Variants in PDE10A observed in about 807,000 individuals in gnomAD.
The protein encoded by PDE10A is cAMP and cAMP-inhibited cGMP 3',5'-cyclic phosphodiesterase 10A.
In PDE10A, 39 loss-of-function variants were observed where a neutral mutation model predicts 97.7. That is an observed-to-expected ratio of 0.40 (90% CI 0.31 to 0.52). PDE10A has a LOEUF of 0.52. PDE10A is among the 20% of genes least tolerant of loss of function. The pLI, the probability that PDE10A is intolerant of heterozygous loss-of-function variation, is 0.56. For missense variants in PDE10A, 731 were observed against 1,047.8 expected (o/e 0.70, Z 4.17); for synonymous variants, 371 against 376.8 (o/e 0.98, Z 0.18).
chr6:165,446,031 G>C (rs543893793), intron 5 of PDE10A, among the ~76,000 whole-genome samples: 1 of 152,172 alleles, frequency 6.6e-6, no homozygotes, highest in East Asian at 1.9e-4. Flanking sequence ...CATAGAAGAA[G>C]TATAGTTAAT....
intron 2 of PDE10A, among the ~76,000 whole-genome samples, chr6:165,523,352 C>T (rs1782244001): frequency 1.3e-5 from 2 of 152,138 alleles, no homozygotes; most frequent in South Asian, 4.1e-4. Flanking sequence ...AGGCATCACA[C>T]TATCCAATTT....
chr6:165,500,912 G>A (rs1009038263), intron 2 of PDE10A, among the ~76,000 whole-genome samples: 2 of 152,146 alleles, frequency 1.3e-5, no homozygotes, highest in Non-Finnish European at 2.9e-5. Context: ...ATGTTTGGAT[G>A]TTTGTGTACG....
chr6:165,600,754 T>G (rs1786898058), intron 1 of PDE10A, among the ~76,000 whole-genome samples: 1 of 152,214 alleles, frequency 6.6e-6, no homozygotes. Flanking sequence ...GACTGCTTTG[T>G]CAAGGACACA....
At chr6:165,800,566 G>A (rs1778955910) in intron 1 of PDE10A, among the ~76,000 whole-genome samples, 1 of 152,188 alleles carries the variant, frequency 6.6e-6, no homozygotes, top group African/African-American at 2.4e-5. Flanking sequence ...TGGTTACAGT[G>A]ATGATAGACC....
intron 2 of PDE10A, among the ~76,000 whole-genome samples, chr6:165,484,980 C>T (rs372632755): frequency 8.2e-4 from 125 of 152,240 alleles, no homozygotes; most frequent in African/African-American, 2.9e-3. Flanking sequence ...CATGAGAAAG[C>T]AGAAGACTCC....
At chr6:165,952,162 C>A (rs1218821825) in intron 1 of PDE10A, among the ~76,000 whole-genome samples, 1 of 152,244 alleles carries the variant, frequency 6.6e-6, no homozygotes, top group Non-Finnish European at 1.5e-5. Context: ...AGCATTCTGG[C>A]TCCGGAACGC....
chr6:165,840,711 T>C (rs1409018272), intron 1 of PDE10A, among the ~76,000 whole-genome samples: 5 of 152,238 alleles, frequency 3.3e-5, no homozygotes, highest in African/African-American at 2.4e-5. Flanking sequence ...TCTATTGATA[T>C]AGGAATTTTA....
chr6:165,699,468 A>G (rs1419740778), intron 1 of PDE10A, among the ~76,000 whole-genome samples: 1 of 152,140 alleles, frequency 6.6e-6, no homozygotes, highest in African/African-American at 2.4e-5. Context: ...GAAATAGAAG[A>G]CTTGGATAAC....
chr6:165,555,488 T>A (rs1784208897), intron 1 of PDE10A, among the ~76,000 whole-genome samples: 1 of 152,166 alleles, frequency 6.6e-6, no homozygotes, highest in Non-Finnish European at 1.5e-5. Context: ...TCTATCTTCA[T>A]CAAAACAGTA....
At chr6:165,894,745 A>C (rs935600719) in intron 1 of PDE10A, 18 of 329,498 alleles carry the variant, frequency 5.5e-5, no homozygotes, top group African/African-American at 3.9e-4. Context: ...ATATGTGTTC[A>C]TATTGTGTTA....
intron 10 of PDE10A, among the ~76,000 whole-genome samples, chr6:165,423,836 G>A (rs1316630828): frequency 2.0e-5 from 3 of 146,760 alleles, no homozygotes; most frequent in Admixed American, 6.9e-5. Context: ...CTGACAGAGC[G>A]AGACTATGTC....
At chr6:165,525,057 T>C (rs1782349592) in intron 2 of PDE10A, among the ~76,000 whole-genome samples, 1 of 151,924 alleles carries the variant, frequency 6.6e-6, no homozygotes, top group Admixed American at 6.6e-5. Context: ...CCAGGGAAAA[T>C]GATGTTGATT....
intron 2 of PDE10A, among the ~76,000 whole-genome samples, chr6:165,519,952 A>G (rs1782034807): frequency 6.6e-6 from 1 of 152,150 alleles, no homozygotes; most frequent in South Asian, 2.1e-4. Context: ...GAGGCTCTAC[A>G]GTTTTGAAAG....
chr6:165,370,146 G>A (rs951895751), intron 18 of PDE10A, among the ~76,000 whole-genome samples: 3 of 151,934 alleles, frequency 2.0e-5, no homozygotes, highest in Non-Finnish European at 2.9e-5. Flanking sequence ...AAAGACCATC[G>A]AGACTAAGAA....
chr6:165,915,865 C>A (rs891903123), intron 1 of PDE10A, among the ~76,000 whole-genome samples: 2 of 152,240 alleles, frequency 1.3e-5, no homozygotes, highest in Non-Finnish European at 2.9e-5. Context: ...GTAGGACCAA[C>A]TTTGGCATTT....
At chr6:165,788,651 T>C (rs75174278) in intron 1 of PDE10A, among the ~76,000 whole-genome samples, 2,243 of 152,072 alleles carry the variant, frequency 0.015, 92 homozygotes, top group East Asian at 0.13. Context: ...AATCCTGAAA[T>C]TCATCTCATT....
At position 165,885,563 on chromosome 6, in the gene PDE10A, C is replaced by T. The variant is rs577254923; in HGVS notation, c.-615+101966G>A. Among the ~76,000 whole-genome samples the T allele has an allele frequency of 4.6e-5, 7 of 152,288 alleles. No individual in the cohort carries two copies. In the South Asian group the frequency reaches 1.5e-3, roughly 32 times the overall value. On this transcript the variant is annotated intron_variant, in intron 1 of 19. Transcript: ENST00000366882. ...GGTGAGGATGAGGTGGGAACGGCAGCAAAGTGAAGCTCTCCCCCATGCTGT... is the reference window on the plus strand; with the variant it reads ...GGTGAGGATGAGGTGGGAACGGCAGTAAAGTGAAGCTCTCCCCCATGCTGT...
At chr6:165,380,543 A>G (rs957804923) in intron 17 of PDE10A, among the ~76,000 whole-genome samples, 1 of 152,232 alleles carries the variant, frequency 6.6e-6, no homozygotes, top group Non-Finnish European at 1.5e-5. Context: ...TTTCCTGACA[A>G]TAATAGTAGT....
chr6:165,771,991 T>C (rs1643026148), intron 1 of PDE10A, among the ~76,000 whole-genome samples: 1 of 152,210 alleles, frequency 6.6e-6, no homozygotes, highest in African/African-American at 2.4e-5. Context: ...CTTAACCTCC[T>C]TGCTGCCCCA....
Sources: gnomAD v4.1 joint callset for allele counts (sites outside exome capture counted in the v4.1 genomes callset) on GRCh38, gnomAD v4.1.1 for gene constraint, MANE v1.5 for transcripts, NCBI Gene and HGNC (gene_info 2026-07-23, HGNC 2026-07-21) for gene names.